The following NETO1 variants were observed in gnomAD, a reference collection of about 807,000 sequenced individuals.
NETO1 encodes the protein neuropilin and tolloid-like protein 1.
A neutral mutation model predicts 61.3 loss-of-function variants in NETO1; 26 were observed. The ratio of observed to expected loss-of-function variants is 0.42; its 90% CI spans 0.31 to 0.59. The LOEUF (loss-of-function observed/expected upper bound fraction) is 0.59, where lower values mean the gene tolerates loss of function less well. Ranked by LOEUF, NETO1 falls within the 20% of genes least tolerant of loss-of-function variation. The pLI is 0.12. For synonymous variants in NETO1, 225 were observed against 225.8 expected (o/e 1.00, Z 0.03); for missense variants, 531 against 662.8 (o/e 0.80, Z 2.18).
intron 6 of NETO1, among the ~76,000 whole-genome samples, chr18:72,787,611 C>T (rs1478451552): frequency 2.0e-5 from 3 of 152,184 alleles, no homozygotes; most frequent in African/African-American, 7.2e-5. Context: ...TAGCTTAAGA[C>T]ACTGCTAATG....
At chr18:72,784,096 T>G (rs2071833114) in intron 6 of NETO1, among the ~76,000 whole-genome samples, 190 bp from the exon 7 acceptor site, 1 of 152,172 alleles carries the variant, frequency 6.6e-6, no homozygotes, top group African/African-American at 2.4e-5. Flanking sequence ...TCAAATGCTA[T>G]TATCCTTTCT....
chr18:72,764,226 T>C (rs531544992), intron 7 of NETO1, among the ~76,000 whole-genome samples: 1 of 152,210 alleles, frequency 6.6e-6, no homozygotes, highest in Non-Finnish European at 1.5e-5. Flanking sequence ...GAATATTTAC[T>C]AAAGCTTACT....
intron 7 of NETO1, 69 bp downstream of exon 7, chr18:72,783,609 T>C (rs1470154558): frequency 3.8e-6 from 5 of 1,332,260 alleles, no homozygotes; most frequent in Non-Finnish European, 5.4e-6. Flanking sequence ...AAAACACCAT[T>C]AACAGCTTAT....
chr18:72,828,685 T>G (rs1343075019), intron 4 of NETO1, among the ~76,000 whole-genome samples: 1 of 152,142 alleles, frequency 6.6e-6, no homozygotes, highest in East Asian at 1.9e-4. Flanking sequence ...CCTAGACACA[T>G]GGCAATAGAA....
At chr18:72,820,435 T>C (rs565845756) in intron 4 of NETO1, among the ~76,000 whole-genome samples, 6 of 152,312 alleles carry the variant, frequency 3.9e-5, no homozygotes, top group East Asian at 1.9e-4. Context: ...ATAACTATAT[T>C]ATAAAACCAA....
intron 4 of NETO1, among the ~76,000 whole-genome samples, chr18:72,810,787 C>T (rs896239800): frequency 1.3e-5 from 2 of 152,168 alleles, no homozygotes; most frequent in South Asian, 2.1e-4. Flanking sequence ...AAAAATAATC[C>T]GAGGCTTTCC....
At chr18:72,826,452 T>C (rs6566663) in intron 4 of NETO1, among the ~76,000 whole-genome samples, 73,436 of 152,032 alleles carry the variant, frequency 0.48, 18,086 homozygotes, top group Admixed American at 0.51. Flanking sequence ...TCTCGTGTTT[T>C]TTTAAATTGG....
chr18:72,794,085 C>T, intron 6 of NETO1, 32 bp downstream of exon 6: 1 of 1,613,854 alleles, frequency 6.2e-7, no homozygotes, highest in Non-Finnish European at 8.5e-7. Flanking sequence ...TCAACGTCAG[C>T]TGTCAAGTGT....
At chr18:72,829,718 TA>T (rs1478610515) in intron 4 of NETO1, among the ~76,000 whole-genome samples, 2 of 152,132 alleles carry the variant, frequency 1.3e-5, no homozygotes, top group African/African-American at 4.8e-5. Flanking sequence ...ATAAAAACTC[TA>T]AGTAACAAAA....
chr18:72,826,664 T>C (rs2073383578), intron 4 of NETO1, among the ~76,000 whole-genome samples: 1 of 152,220 alleles, frequency 6.6e-6, no homozygotes, highest in Non-Finnish European at 1.5e-5. Flanking sequence ...GTTCACTGTG[T>C]GCTGGTGACA....
At chr18:72,791,035 A>C (rs2072098060) in intron 6 of NETO1, among the ~76,000 whole-genome samples, 1 of 152,098 alleles carries the variant, frequency 6.6e-6, no homozygotes, top group Non-Finnish European at 1.5e-5. Context: ...ACGCCTATTG[A>C]ATTGCATTAT....
At chr18:72,800,031 T>G (rs1362706008) in intron 4 of NETO1, among the ~76,000 whole-genome samples, 1 of 152,236 alleles carries the variant, frequency 6.6e-6, no homozygotes, top group Non-Finnish European at 1.5e-5. Context: ...TTCTGACATC[T>G]TTCAAACATT....
chr18:72,818,523 C>A (rs2073094602), intron 4 of NETO1, among the ~76,000 whole-genome samples: 1 of 152,118 alleles, frequency 6.6e-6, no homozygotes, highest in African/African-American at 2.4e-5. Flanking sequence ...TCGAAATTTT[C>A]ATATGTGATT....
At chr18:72,784,571 A>G (rs1446254645) in intron 6 of NETO1, among the ~76,000 whole-genome samples, 1 of 152,098 alleles carries the variant, frequency 6.6e-6, no homozygotes, top group Admixed American at 6.6e-5. Flanking sequence ...ACTTCCAACA[A>G]CTCTATAAAG....
At chr18:72,788,981 C>A (rs943843714) in intron 6 of NETO1, among the ~76,000 whole-genome samples, 17 of 152,044 alleles carry the variant, frequency 1.1e-4, no homozygotes, top group African/African-American at 4.1e-4. Context: ...CTGTCACAGT[C>A]TGAGAAATGC....
At chr18:72,769,891 A>G (rs1343338543) in intron 7 of NETO1, among the ~76,000 whole-genome samples, 2 of 152,122 alleles carry the variant, frequency 1.3e-5, no homozygotes, top group South Asian at 2.1e-4. Flanking sequence ...GCTTATAAAT[A>G]TGGACTCATC....
At chr18:72,761,786 A>G (rs1468631618) in intron 7 of NETO1, among the ~76,000 whole-genome samples, 1 of 152,202 alleles carries the variant, frequency 6.6e-6, no homozygotes, top group Non-Finnish European at 1.5e-5. Flanking sequence ...AAATTCCAAT[A>G]AAATAATCTT....
At chr18:72,781,872 G>GT (rs60161579) in intron 7 of NETO1, among the ~76,000 whole-genome samples, 50,710 of 151,862 alleles carry the variant, frequency 0.33, 8,710 homozygotes, top group Admixed American at 0.46. Context: ...TTTCAGATTC[G>GT]GGGTACATGT....
At chr18:72,755,548 C>G (rs1450297147) in intron 8 of NETO1, among the ~76,000 whole-genome samples, 1 of 152,024 alleles carries the variant, frequency 6.6e-6, no homozygotes, top group Admixed American at 6.6e-5. Flanking sequence ...GAGCTATGTT[C>G]CCGGGAAAGG....
Sources: allele counts gnomAD v4.1 joint callset (sites outside exome capture counted in the v4.1 genomes callset), GRCh38; gene constraint gnomAD v4.1.1; transcripts MANE v1.5; gene names NCBI Gene and HGNC (gene_info 2026-07-23, HGNC 2026-07-21).